Variants in QTGAL observed in about 807,000 individuals in gnomAD.
QTGAL encodes the protein queuosine-tRNA galactosyltransferase.
At chr17:82,963,355 G>A in the QTGAL span, among the ~76,000 whole-genome samples, 1 of 152,318 alleles carries the variant, frequency 6.6e-6, no homozygotes, top group Non-Finnish European at 1.5e-5. Context: ...CCTCCAGGAG[G>A]AAGCAGCAGT....
At chr17:83,007,216 T>C in the QTGAL span, 1 of 985,148 alleles carries the variant, frequency 1.0e-6, no homozygotes, top group Non-Finnish European at 1.2e-6. Context: ...ACCTTTCATG[T>C]CTCTCTCCTA....
chr17:82,977,470 G>A, the QTGAL span, among the ~76,000 whole-genome samples: 1 of 151,826 alleles, frequency 6.6e-6, no homozygotes, highest in South Asian at 2.1e-4. Flanking sequence ...TCTACCCCTT[G>A]GTGTACTTAA....
chr17:83,002,531 C>G, the QTGAL span, among the ~76,000 whole-genome samples: 1 of 152,200 alleles, frequency 6.6e-6, no homozygotes, highest in African/African-American at 2.4e-5. Flanking sequence ...CTAGCTCGTA[C>G]AGGGAAGGGC....
the QTGAL span, among the ~76,000 whole-genome samples, chr17:83,011,873 C>T: frequency 5.3e-5 from 8 of 152,018 alleles, no homozygotes; most frequent in African/African-American, 1.9e-4. Flanking sequence ...AATCCCAGCT[C>T]GTTTGAACAC....
chr17:82,999,533 G>T, the QTGAL span, among the ~76,000 whole-genome samples: 4 of 152,198 alleles, frequency 2.6e-5, no homozygotes, highest in Admixed American at 2.6e-4. Flanking sequence ...TTGATGGGAA[G>T]CCTTACCGAT....
chr17:82,997,952 TATCTATCTAG>T, the QTGAL span, among the ~76,000 whole-genome samples: 1 of 148,920 alleles, frequency 6.7e-6, no homozygotes. Context: ...TATATATCTA[TATCTATCTAG>T]ATCTATCTAT....
the QTGAL span, among the ~76,000 whole-genome samples, chr17:83,039,380 T>G: frequency 5.0e-5 from 3 of 59,924 alleles, no homozygotes; most frequent in African/African-American, 8.1e-5. Flanking sequence ...CCGCCCCTGT[T>G]CTAGACACAC....
the QTGAL span, among the ~76,000 whole-genome samples, chr17:83,035,758 A>C: frequency 2.0e-5 from 3 of 151,152 alleles, no homozygotes; most frequent in African/African-American, 7.4e-5. Context: ...GGAAGTCTGT[A>C]AAGTCTACCC....
the QTGAL span, among the ~76,000 whole-genome samples, chr17:83,050,052 T>C: frequency 6.6e-6 from 1 of 152,192 alleles, no homozygotes; most frequent in Non-Finnish European, 1.5e-5. Context: ...ACTCTGTCTC[T>C]TCCTGGACTT....
At chr17:82,947,138 G>A in the QTGAL span, 4 of 601,640 alleles carry the variant, frequency 6.6e-6, no homozygotes, top group South Asian at 2.2e-5. Context: ...AGGAGACAAA[G>A]GCCAGAGAGG....
At chr17:83,005,259 G>A in the QTGAL span, 5 of 1,455,642 alleles carry the variant, frequency 3.4e-6, no homozygotes, top group Non-Finnish European at 4.8e-6. The surrounding 1 kb of genome is among the most constrained non-coding windows in gnomAD (Gnocchi z 5.6). Context: ...CAGGTACGCA[G>A]GTGCATGTGC....
chr17:83,008,904 G>A, the QTGAL span, among the ~76,000 whole-genome samples: 1 of 152,208 alleles, frequency 6.6e-6, no homozygotes, highest in African/African-American at 2.4e-5. Context: ...CAGCCCGGCA[G>A]TCCAGAGGTG....
At chr17:83,011,162 A>G in the QTGAL span, among the ~76,000 whole-genome samples, 3 of 152,228 alleles carry the variant, frequency 2.0e-5, no homozygotes, top group Non-Finnish European at 4.4e-5. Context: ...CAGGGTGCAC[A>G]GTGTCAGGAA....
the QTGAL span, among the ~76,000 whole-genome samples, chr17:83,008,936 A>T: frequency 6.6e-6 from 1 of 152,170 alleles, no homozygotes; most frequent in African/African-American, 2.4e-5. Context: ...GAATGGAGAC[A>T]AGCGGCCCTT....
At chr17:83,038,355 G>A in the QTGAL span, among the ~76,000 whole-genome samples, 39 of 152,206 alleles carry the variant, frequency 2.6e-4, no homozygotes, top group South Asian at 1.2e-3. Flanking sequence ...ACTTTACAAC[G>A]GATTGTTTTT....
the QTGAL span, among the ~76,000 whole-genome samples, chr17:82,970,652 G>GACGTGACCT: frequency 6.9e-6 from 1 of 144,106 alleles, no homozygotes; most frequent in African/African-American, 2.8e-5. Context: ...ACCCGGTGTG[G>GACGTGACCT]CCGCGACCTC....
At chr17:83,040,356 C>T in the QTGAL span, among the ~76,000 whole-genome samples, 4 of 152,032 alleles carry the variant, frequency 2.6e-5, no homozygotes, top group Admixed American at 1.3e-4. Flanking sequence ...CAGCCCCATG[C>T]AATATAGGCA....
At chr17:83,020,983 G>A in the QTGAL span, among the ~76,000 whole-genome samples, 1 of 152,240 alleles carries the variant, frequency 6.6e-6, no homozygotes. Context: ...ACTTTATAGA[G>A]TCATACATTG....
the QTGAL span, among the ~76,000 whole-genome samples, chr17:83,051,259 GGGGGCAGGTGCGCGGGGGC>G: frequency 5.9e-5 from 8 of 136,494 alleles, no homozygotes; most frequent in Middle Eastern, 3.6e-3. Flanking sequence ...TGTGAGGTGC[GGGGGCAGGTGCGCGGGGGC>G]GGGGCAGGTG....
Sources: gnomAD v4.1 joint callset for allele counts (sites outside exome capture counted in the v4.1 genomes callset) on GRCh38, gnomAD v4.1.1 for gene constraint, Gnocchi (gnomAD v3.1) non-coding constraint, MANE v1.5 for transcripts, NCBI Gene and HGNC (gene_info 2026-07-23, HGNC 2026-07-21) for gene names.